The following RBFOX1 variants were observed in gnomAD, a reference collection of about 807,000 sequenced individuals.
The protein encoded by RBFOX1 is RNA binding protein fox-1 homolog 1.
Under a neutral mutation model 57.7 loss-of-function variants are expected in RBFOX1, and 8 were observed. That is an observed-to-expected ratio of 0.14 (90% CI 0.08 to 0.25). The LOEUF (loss-of-function observed/expected upper bound fraction) is 0.25, where lower values mean the gene tolerates loss of function less well. Among genes scored for constraint, RBFOX1 ranks in the 10% least tolerant of loss-of-function variants. RBFOX1 has a pLI of 1.00. For missense variants in RBFOX1, 611 were observed against 548.5 expected, an observed-to-expected ratio of 1.11 and a Z score of -1.14; for synonymous variants, 326 against 222.4, an observed-to-expected ratio of 1.47 and a Z score of -4.15.
At chr16:6,789,500 C>T (rs1454901580) in intron 3 of RBFOX1, among the ~76,000 whole-genome samples, 1 of 152,176 alleles carries the variant, frequency 6.6e-6, no homozygotes, top group Non-Finnish European at 1.5e-5. Context: ...TCATTTCATT[C>T]TCAGTTATTA....
At position 6,604,255 on chromosome 16, in the gene RBFOX1, A is replaced by T. The variant is rs368237994; in HGVS notation, c.-63-50348A>T. ...ATGATAGGTGCACCATGTCTATCAA[A>T]GCCATCAAAATGGCTATTTTAGAAA... On this transcript the variant is annotated intron_variant, in intron 2 of 15. Transcript: ENST00000550418. 4.8e-4 allele frequency among the ~76,000 whole-genome samples: 73 copies of T among 152,310 alleles called. 1 individual carries two copies. The South Asian group carries it at 0.014, about 29-fold the overall frequency.
intron 2 of RBFOX1, among the ~76,000 whole-genome samples, chr16:6,331,362 A>G (rs2083002241): frequency 6.6e-6 from 1 of 151,974 alleles, no homozygotes; most frequent in Non-Finnish European, 1.5e-5. Context: ...CAGGAGAATC[A>G]TTTGAGCCCG....
intron 4 of RBFOX1, among the ~76,000 whole-genome samples, chr16:7,064,851 T>C (rs1333380226): frequency 3.3e-5 from 5 of 152,242 alleles, no homozygotes; most frequent in South Asian, 2.1e-4. Flanking sequence ...CTAAATCCTA[T>C]TGCCCTTTTG....
chr16:6,994,299 A>G (rs1260365632), intron 3 of RBFOX1, among the ~76,000 whole-genome samples: 1 of 152,178 alleles, frequency 6.6e-6, no homozygotes, highest in East Asian at 1.9e-4. Context: ...AGCCATCTTC[A>G]TCTTAAATGC....
intron 4 of RBFOX1, among the ~76,000 whole-genome samples, chr16:5,941,545 G>T (rs183114386): frequency 6.6e-6 from 1 of 152,016 alleles, no homozygotes; most frequent in East Asian, 1.9e-4. Flanking sequence ...TTTACTGAGG[G>T]TCCCATGAGA....
At chr16:7,514,750 C>T (rs943853190) in intron 4 of RBFOX1, among the ~76,000 whole-genome samples, 2 of 152,160 alleles carry the variant, frequency 1.3e-5, no homozygotes, top group African/African-American at 4.8e-5. Flanking sequence ...TGACCATAAG[C>T]TTCTGGAAGG....
intron 4 of RBFOX1, among the ~76,000 whole-genome samples, chr16:7,331,896 G>A (rs1445011630): frequency 6.6e-6 from 1 of 152,060 alleles, no homozygotes; most frequent in Non-Finnish European, 1.5e-5. Context: ...GATTGCTTGG[G>A]TATTTTCAAA....
chr16:5,390,798 G>A (rs970934228), intron 1 of RBFOX1, among the ~76,000 whole-genome samples: 2 of 152,104 alleles, frequency 1.3e-5, no homozygotes, highest in African/African-American at 2.4e-5. Context: ...AAGCTGACTC[G>A]TCTCCTCACT....
rs532585216 is a variant in RBFOX1 at position 6,099,877 on chromosome 16, A to C, written c.-127+79885A>C. Among the ~76,000 whole-genome samples, 19 of 152,326 alleles carry C rather than the reference A, an allele frequency of 1.2e-4. No individual in the cohort carries two copies. In the South Asian group the frequency reaches 3.9e-3, roughly 32 times the overall value. ...AACAAATATTTTACTTCCATATTAAAGGAGTTCTTTTCTCTGTATGTCATT... is the reference window on the plus strand; with the variant it reads ...AACAAATATTTTACTTCCATATTAACGGAGTTCTTTTCTCTGTATGTCATT... On this transcript the variant is annotated intron_variant, in intron 1 of 15. Coordinates refer to ENST00000550418, the MANE Select transcript of RBFOX1 (RefSeq NM_018723.4).
At chr16:7,551,099 A>AG (rs2086305350) in intron 5 of RBFOX1, among the ~76,000 whole-genome samples, 1 of 150,890 alleles carries the variant, frequency 6.6e-6, no homozygotes, top group Non-Finnish European at 1.5e-5. Flanking sequence ...AAAAAAAAAA[A>AG]AAAAAAGAAA....
At chr16:6,645,030 G>A in intron 2 of RBFOX1, among the ~76,000 whole-genome samples, 1 of 152,256 alleles carries the variant, frequency 6.6e-6, no homozygotes, top group South Asian at 2.1e-4. Context: ...GAAAGTGTGA[G>A]CAGGACGGCT....
At chr16:6,853,662 T>C (rs1455514154) in intron 3 of RBFOX1, among the ~76,000 whole-genome samples, 2 of 152,208 alleles carry the variant, frequency 1.3e-5, no homozygotes, top group Non-Finnish European at 2.9e-5. Flanking sequence ...TCAGCCTGTA[T>C]GGAGGCTAAT....
At chr16:5,723,739 G>T (rs4622513) in intron 3 of RBFOX1, among the ~76,000 whole-genome samples, 59,399 of 151,108 alleles carry the variant, frequency 0.39, 13,628 homozygotes, top group East Asian at 0.8. Context: ...AGGTCTGATT[G>T]TGAGATCTTT....
At chr16:7,645,689 G>A (rs2063611117) in intron 11 of RBFOX1, among the ~76,000 whole-genome samples, 1 of 152,118 alleles carries the variant, frequency 6.6e-6, no homozygotes, top group East Asian at 1.9e-4. Context: ...AGAAATTTTT[G>A]TTTTCCTATT....
intron 3 of RBFOX1, among the ~76,000 whole-genome samples, chr16:6,667,901 G>GAA (rs139973697): frequency 1.4e-4 from 20 of 146,568 alleles, no homozygotes; most frequent in Admixed American, 1.2e-3. Context: ...AAAAACTAAA[G>GAA]AAAAAAAAAA....
intron 2 of RBFOX1, among the ~76,000 whole-genome samples, chr16:6,408,215 GCAGA>G (rs2093350735): frequency 6.6e-6 from 1 of 152,108 alleles, no homozygotes; most frequent in South Asian, 2.1e-4. Context: ...CACAGCTCAG[GCAGA>G]CAAAGACATT....
rs142730793 is a variant in RBFOX1, at chr16:6,907,357, C to G, written c.-15-144700C>G. Among the ~76,000 whole-genome samples, 7 of 152,226 alleles carry G rather than the reference C, an allele frequency of 4.6e-5. No homozygotes were observed. In the East Asian group the frequency reaches 1.4e-3, roughly 29 times the overall value. On this transcript the variant is annotated intron_variant, in intron 3 of 15. Transcript: ENST00000550418. ...TCAGAGAAACAGTGTATCGAGCTGTCCTTGAGAGAATGGCGGTATCCATGT... is the reference window on the plus strand; with the variant it reads ...TCAGAGAAACAGTGTATCGAGCTGTGCTTGAGAGAATGGCGGTATCCATGT...
intron 4 of RBFOX1, among the ~76,000 whole-genome samples, chr16:7,099,838 G>C (rs1408219829): frequency 2.6e-5 from 4 of 152,142 alleles, no homozygotes; most frequent in Non-Finnish European, 2.9e-5. Flanking sequence ...GGGTTATGGA[G>C]ACCTAGGTTT....
chr16:7,157,451 C>T (rs552176243), intron 4 of RBFOX1, among the ~76,000 whole-genome samples: 1 of 152,024 alleles, frequency 6.6e-6, no homozygotes, highest in East Asian at 1.9e-4. Flanking sequence ...AATGTTATGG[C>T]AGCAGATAGG....
Sources: allele counts gnomAD v4.1 joint callset (sites outside exome capture counted in the v4.1 genomes callset), GRCh38; gene constraint gnomAD v4.1.1; transcripts MANE v1.5; gene names NCBI Gene and HGNC (gene_info 2026-07-23, HGNC 2026-07-21).